Variants in ASXL3 observed in about 807,000 individuals in gnomAD.
ASXL3 encodes ASXL transcriptional regulator 3.
Under a neutral mutation model 170.6 loss-of-function variants are expected in ASXL3, and 34 were observed. That is an observed-to-expected ratio of 0.20 (90% CI 0.15 to 0.27). ASXL3 has a LOEUF of 0.27. Ranked by LOEUF, ASXL3 falls within the 10% of genes least tolerant of loss-of-function variation. ASXL3 has a pLI of 1.00. For synonymous variants in ASXL3, 1,002 were observed against 989.1 expected (o/e 1.01, Z -0.24); for missense variants, 2,592 against 2,695.3 (o/e 0.96, Z 0.85).
chr18:33,625,126 G>A (rs1486680998), intron 2 of ASXL3, among the ~76,000 whole-genome samples: 1 of 151,936 alleles, frequency 6.6e-6, no homozygotes, highest in African/African-American at 2.4e-5. Context: ...TTCTTCTTTT[G>A]TATTCCTTGG....
chr18:33,591,440 A>G (rs903148389), intron 1 of ASXL3, among the ~76,000 whole-genome samples: 6 of 152,188 alleles, frequency 3.9e-5, no homozygotes, highest in African/African-American at 9.6e-5. Flanking sequence ...GAAACATGCT[A>G]TTGAATATAA....
intron 8 of ASXL3, among the ~76,000 whole-genome samples, chr18:33,701,986 G>T (rs1232327078): frequency 6.6e-6 from 1 of 151,828 alleles, no homozygotes; most frequent in Admixed American, 6.6e-5. Context: ...TTACTATTGT[G>T]CCCCTCTTAA....
chr18:33,651,338 A>G (rs2065995049), intron 4 of ASXL3, among the ~76,000 whole-genome samples: 1 of 152,076 alleles, frequency 6.6e-6, no homozygotes, highest in African/African-American at 2.4e-5. Flanking sequence ...TACTTTCCAC[A>G]CTTCCTACAG....
intron 8 of ASXL3, among the ~76,000 whole-genome samples, chr18:33,684,714 G>A (rs181733189): frequency 1.3e-5 from 2 of 152,242 alleles, no homozygotes; most frequent in African/African-American, 2.4e-5. Context: ...TAAATGCACT[G>A]TAGTTGGATA....
At chr18:33,742,747 G>A (rs2067685736) in intron 11 of ASXL3, 141 bp from the exon 12 acceptor site, 1 of 1,220,734 alleles carries the variant, frequency 8.2e-7, no homozygotes, top group East Asian at 2.7e-5. Context: ...CCCTAAGGGT[G>A]CATCCAGGGA....
intron 2 of ASXL3, among the ~76,000 whole-genome samples, chr18:33,613,575 G>T (rs988027171): frequency 3.3e-5 from 5 of 152,048 alleles, no homozygotes; most frequent in African/African-American, 1.2e-4. Context: ...GTAGTCTGTT[G>T]GGTGTGCAGT....
intron 1 of ASXL3, among the ~76,000 whole-genome samples, chr18:33,601,467 G>A (rs974187121): frequency 1.3e-5 from 2 of 151,888 alleles, no homozygotes; most frequent in Non-Finnish European, 2.9e-5. Context: ...CATCTAGTGA[G>A]TAGGGATTCC....
chr18:33,613,242 C>G (rs1336377830), intron 2 of ASXL3, among the ~76,000 whole-genome samples: 1 of 152,060 alleles, frequency 6.6e-6, no homozygotes, highest in African/African-American at 2.4e-5. Context: ...TTTTATCTTC[C>G]TAAACACGTC....
intron 8 of ASXL3, among the ~76,000 whole-genome samples, chr18:33,688,853 C>A (rs1438607356): frequency 6.6e-6 from 1 of 152,174 alleles, no homozygotes; most frequent in Non-Finnish European, 1.5e-5. Context: ...AGGGCCTGTG[C>A]CCTCCATCGT....
Position 33,661,906 on chromosome 18 carries a change from A to G in ASXL3, c.477+169A>G, listed in dbSNP as rs183326079. Among the ~76,000 whole-genome samples the G allele has an allele frequency of 3.0e-3, 460 of 152,026 alleles. 3 individuals are homozygous for G. Among genetic ancestry groups the G allele is most frequent in the African/African-American group, 0.011 (445 of 41,454 alleles). The stretch of plus-strand genomic sequence containing the variant: ...TAATTTTAATCTGTGATAAAAAAAA[A>G]CTAGGAGAGGCTTGACTGAGAACTT... On this transcript the variant is annotated intron_variant, in intron 5 of 11. Transcript: ENST00000269197.
In ASXL3 at chr18:33,749,888, A is replaced by C. The variant is rs2067857390; in HGVS notation, c.*3293A>C. ...AAAATACACAAAAACAAGCTGGTAC[A>C]TATGGTGCTTTATAATGCAGTCGAG... is the stretch of plus-strand genomic sequence containing the variant. On this transcript the variant is annotated 3_prime_UTR_variant, in exon 12 of 12. Transcript: ENST00000269197. 1 of 152,272 alleles carries C rather than the reference A, an allele frequency of 6.6e-6. No homozygotes were observed. Among genetic ancestry groups the C allele is most frequent in the Non-Finnish European group, 1.5e-5 (1 of 68,060 alleles). 9.4% of individuals were successfully genotyped at this position (152,272 alleles called of 1,614,324 possible). A position where few individuals can be genotyped will look rare whatever the true frequency, so the allele number is the denominator to read the frequency against.
intron 1 of ASXL3, among the ~76,000 whole-genome samples, chr18:33,588,359 G>GTT (rs375681396): frequency 0.18 from 25,951 of 142,300 alleles, 4,224 homozygotes; most frequent in African/African-American, 0.44. Context: ...AAAGGAGCAG[G>GTT]TTTTTTTTTT....
intron 8 of ASXL3, among the ~76,000 whole-genome samples, chr18:33,730,618 G>A (rs903309262): frequency 2.6e-5 from 4 of 152,136 alleles, no homozygotes; most frequent in Non-Finnish European, 5.9e-5. Context: ...CATTGGCATG[G>A]TGATGTAACT....
intron 8 of ASXL3, among the ~76,000 whole-genome samples, chr18:33,713,229 G>GAT (rs2067099415): frequency 1.2e-5 from 1 of 81,760 alleles, no homozygotes; most frequent in Admixed American, 1.6e-4. Context: ...CCACAAGAAG[G>GAT]TTTTTTTTGT....
At chr18:33,681,326 T>C (rs2066511203) in intron 7 of ASXL3, among the ~76,000 whole-genome samples, 1 of 152,188 alleles carries the variant, frequency 6.6e-6, no homozygotes, top group South Asian at 2.1e-4. Flanking sequence ...TTCTTTGATA[T>C]AATTGCTTTA....
intron 1 of ASXL3, among the ~76,000 whole-genome samples, chr18:33,605,193 G>A (rs1335553097): frequency 6.6e-6 from 1 of 151,952 alleles, no homozygotes; most frequent in African/African-American, 2.4e-5. Context: ...GTTTGGGTCT[G>A]GTAGCTTAAG....
At chr18:33,635,049 G>T (rs759725884) in intron 2 of ASXL3, among the ~76,000 whole-genome samples, 10 of 152,178 alleles carry the variant, frequency 6.6e-5, no homozygotes, top group Non-Finnish European at 1.0e-4. Context: ...AAATGAGTAG[G>T]AAGAGAGGAG....
chr18:33,666,314 G>A (rs576580534), intron 5 of ASXL3, among the ~76,000 whole-genome samples: 1 of 152,112 alleles, frequency 6.6e-6, no homozygotes, highest in East Asian at 1.9e-4. Flanking sequence ...GACTAAAATA[G>A]ACTGATTATG....
chr18:33,726,895 C>G (rs1057270821), intron 8 of ASXL3, among the ~76,000 whole-genome samples: 8 of 152,158 alleles, frequency 5.3e-5, no homozygotes, highest in African/African-American at 1.9e-4. Context: ...ACTTTCTGCT[C>G]TCTAGCTCCA....
Sources: gnomAD v4.1 joint callset for allele counts (sites outside exome capture counted in the v4.1 genomes callset) on GRCh38, gnomAD v4.1.1 for gene constraint, MANE v1.5 for transcripts, NCBI Gene and HGNC (gene_info 2026-07-23, HGNC 2026-07-21) for gene names.